NPIPB11: variants seen among roughly 807,000 people sequenced by gnomAD.
The protein encoded by NPIPB11 is nuclear pore complex interacting protein family member B11.
A neutral mutation model predicts 32.8 loss-of-function variants in NPIPB11; 17 were observed. The observed-to-expected ratio is 0.52, with a 90% CI of 0.35 to 0.78. The LOEUF is 0.78. Among genes scored for constraint, NPIPB11 ranks in the 30% least tolerant of loss-of-function variants. The pLI is 0.01. For synonymous variants in NPIPB11, 209 were observed against 398.4 expected (o/e 0.52, Z 5.66); for missense variants, 537 against 1,000.4 (o/e 0.54, Z 6.25).
intron 2 of NPIPB11, among the ~76,000 whole-genome samples, chr16:29,402,730 G>A (rs369215753): frequency 3.6e-5 from 4 of 111,294 alleles, no homozygotes; most frequent in Admixed American, 1.7e-4. Context: ...CTCTCTGTGT[G>A]TGTGTGTGTG....
chr16:29,394,518 T>A (rs1252922740), intron 2 of NPIPB11, among the ~76,000 whole-genome samples: 3 of 146,904 alleles, frequency 2.0e-5, no homozygotes, highest in Non-Finnish European at 1.5e-5. Flanking sequence ...CACTACAACC[T>A]CCAGCTCCTG....
At chr16:29,394,462 C>A (rs1395179281) in intron 2 of NPIPB11, among the ~76,000 whole-genome samples, 2 of 148,820 alleles carry the variant, frequency 1.3e-5, no homozygotes, top group Non-Finnish European at 3.0e-5. Flanking sequence ...CAGAGTTCCG[C>A]TCCACTCAGT....
At chr16:29,394,880 G>A (rs1390594942) in intron 2 of NPIPB11, among the ~76,000 whole-genome samples, 1 of 150,004 alleles carries the variant, frequency 6.7e-6, no homozygotes, top group Non-Finnish European at 1.5e-5. Context: ...TGAGTAGCTG[G>A]GAGTACAGGT....
At chr16:29,401,604 C>G (rs1257977245) in intron 2 of NPIPB11, among the ~76,000 whole-genome samples, 1 of 152,132 alleles carries the variant, frequency 6.6e-6, no homozygotes, top group Non-Finnish European at 1.5e-5. Flanking sequence ...ATATGACAGC[C>G]TTAATGGAGT....
At chr16:29,382,980 G>A (rs773311691) in exon 8 of NPIPB11, 10 of 1,595,054 alleles carry the variant, frequency 6.3e-6, no homozygotes, top group South Asian at 1.1e-5. Context: ...AGGGTGGAAG[G>A]GGAGTGAGCT....
At chr16:29,402,732 G>A (rs373299047) in intron 2 of NPIPB11, among the ~76,000 whole-genome samples, 1 of 123,360 alleles carries the variant, frequency 8.1e-6, no homozygotes, top group Non-Finnish European at 1.6e-5. Flanking sequence ...CTCTGTGTGT[G>A]TGTGTGTGTG....
At chr16:29,382,216 T>G in exon 8 of NPIPB11, 1 of 1,552,582 alleles carries the variant, frequency 6.4e-7, no homozygotes, top group Non-Finnish European at 8.6e-7. Flanking sequence ...GGAAGGGGAG[T>G]GAGCTGACGT....
At chr16:29,404,687 G>A (rs1964072721), upstream of NPIPB11, among the ~76,000 whole-genome samples, 1 of 151,700 alleles carries the variant, frequency 6.6e-6, no homozygotes, top group East Asian at 1.9e-4. Flanking sequence ...CCTTCTCAGT[G>A]CTCACCTAAG....
At chr16:29,383,014 T>G (rs748563210) in exon 8 of NPIPB11, 2 of 1,607,260 alleles carry the variant, frequency 1.2e-6, no homozygotes, top group African/African-American at 2.7e-5. Context: ...TGTCTTGAGA[T>G]TATCATCCGC....
chr16:29,405,583 T>C (rs1305451138), upstream of NPIPB11, among the ~76,000 whole-genome samples: 1 of 152,142 alleles, frequency 6.6e-6, no homozygotes, highest in African/African-American at 2.4e-5. Flanking sequence ...AGTCTCGGAA[T>C]GATGAAGCAC....
At chr16:29,402,542 G>T (rs1158954681) in intron 2 of NPIPB11, among the ~76,000 whole-genome samples, 1 of 59,770 alleles carries the variant, frequency 1.7e-5, no homozygotes. Context: ...TCTCTACTAA[G>T]AATACAAAAA....
At position 29,390,525 on chromosome 16, in the gene NPIPB11, C is replaced by T. The variant is rs369323240; in HGVS notation, c.250-177G>A. Among the ~76,000 whole-genome samples the T allele has an allele frequency of 5.5e-4, 83 of 151,486 alleles. 1 individual carries two copies. The highest frequency in any genetic ancestry group is 1.6e-3 in the African/African-American group (65 of 41,194). On this transcript the variant is annotated intron_variant, in intron 3 of 7. Coordinates refer to ENST00000524087, the Ensembl canonical transcript of NPIPB11. The stretch of plus-strand genomic sequence containing the variant: ...AAAATTAGCCGGGCATGGCAGCGGG[C>T]GCCTGTAATCCAAGCTACTCGGGAG...
rs1246875276 is a variant in NPIPB11 at position 29,395,670 on chromosome 16, A to G, written c.121-1594T>C. 1.5e-4 allele frequency among the ~76,000 whole-genome samples: 22 copies of G among 149,874 alleles called. No homozygotes were observed. In the East Asian group the frequency reaches 4.3e-3, roughly 29 times the overall value. ...TACTTCATTCACAAATAAGTATCAA[A>G]TTTTAGTGCTTAAAAATTAACAAGG... is the stretch of plus-strand genomic sequence containing the variant. On this transcript the variant is annotated intron_variant, in intron 2 of 7. Transcript: ENST00000524087.
intron 2 of NPIPB11, among the ~76,000 whole-genome samples, chr16:29,402,933 T>C (rs1964031688): frequency 6.9e-6 from 1 of 145,814 alleles, no homozygotes; most frequent in Admixed American, 6.8e-5. Context: ...GTATTACATG[T>C]TGTAAAATAA....
intron 3 of NPIPB11, among the ~76,000 whole-genome samples, chr16:29,390,583 C>T (rs961619558): frequency 4.0e-5 from 6 of 148,618 alleles, no homozygotes; most frequent in African/African-American, 1.0e-4. Context: ...AGCTGGGAGG[C>T]GGAGGTTGCA....
chr16:29,394,461 G>A (rs939031638), intron 2 of NPIPB11, among the ~76,000 whole-genome samples: 17 of 139,476 alleles, frequency 1.2e-4, no homozygotes, highest in African/African-American at 3.8e-4. Flanking sequence ...ACAGAGTTCC[G>A]CTCCACTCAG....
Position 29,383,787 on chromosome 16 carries a change from G to A in NPIPB11, c.1145C>T (p.Pro382Leu). ...CTTGAGATTATCATCCGCTGAGGGT[G>A]GAAGCGGCCCCCGCAGACGCTCGGC... The change falls in exon 8 of 8, where the codon CCA (proline) becomes CTA (leucine). Residue 382 changes from proline (P) to leucine (L), a missense_variant. Physicochemically the swap from Pro to Leu is moderately conservative, Grantham distance 98. Transcript: ENST00000524087. 5 of 1,120,220 alleles carry A rather than the reference G, an allele frequency of 4.5e-6. 1 individual carries two copies. The highest frequency in any genetic ancestry group is 5.9e-6 in the Non-Finnish European group (5 of 845,896). The allele number at this position is 1,120,220 out of a possible 1,614,324, so 69.4% of individuals were successfully genotyped here.
At chr16:29,394,652 C>T (rs1963807322) in intron 2 of NPIPB11, among the ~76,000 whole-genome samples, 1 of 152,010 alleles carries the variant, frequency 6.6e-6, no homozygotes, top group African/African-American at 2.4e-5. Context: ...CCAGTCTGGC[C>T]TTGAACTCCT....
intron 2 of NPIPB11, among the ~76,000 whole-genome samples, chr16:29,401,514 A>T (rs1248089529): frequency 6.6e-6 from 1 of 152,012 alleles, no homozygotes; most frequent in African/African-American, 2.4e-5. Flanking sequence ...ATCTGCGGTG[A>T]CTTAGTCCTC....
Sources: gnomAD v4.1 joint callset for allele counts (sites outside exome capture counted in the v4.1 genomes callset) on GRCh38, gnomAD v4.1.1 for gene constraint, MANE v1.5 for transcripts, NCBI Gene and HGNC (gene_info 2026-07-23, HGNC 2026-07-21) for gene names.